ARPC1A: variants seen among roughly 807,000 people sequenced by gnomAD.
The protein encoded by ARPC1A is actin related protein 2/3 complex subunit 1A, also known as actin-related protein 2/3 complex subunit 1A.
A neutral mutation model predicts 46.9 loss-of-function variants in ARPC1A; 8 were observed. That is an observed-to-expected ratio of 0.17 (90% confidence interval 0.10 to 0.31). ARPC1A has a LOEUF of 0.31. ARPC1A is among the 10% of genes least tolerant of loss of function. The pLI is 1.00. For missense variants in ARPC1A, 286 were observed against 483.6 expected, an observed-to-expected ratio of 0.59 and a Z score of 3.83; for synonymous variants, 152 against 169.0, an observed-to-expected ratio of 0.90 and a Z score of 0.78.
rs780366500 is a variant in ARPC1A, at chr7:99,348,831, AAC to A, written c.393-19_393-18del. ...GATGCTGGTTGAGTGGATAAACTGA[AAC>A]AGTTTTCCCCTCTCATAGGTGGGTG... On this transcript the variant is annotated intron_variant, in intron 4 of 9. Transcript: ENST00000262942. The A allele has an allele frequency of 1.9e-6, 3 of 1,602,290 alleles. No homozygotes were observed. Among genetic ancestry groups the A allele is most frequent in the East Asian group, 2.2e-5 (1 of 44,636 alleles).
intron 5 of ARPC1A, among the ~76,000 whole-genome samples, chr7:99,350,799 C>T (rs1466369693): frequency 6.6e-6 from 1 of 151,608 alleles, no homozygotes. Flanking sequence ...GCATGAGCCA[C>T]CATGCCTGGC....
At chr7:99,326,976 T>A (rs1422341926) in intron 1 of ARPC1A, among the ~76,000 whole-genome samples, 1 of 152,210 alleles carries the variant, frequency 6.6e-6, no homozygotes, top group African/African-American at 2.4e-5. Context: ...TATAAAGCCA[T>A]CTGTTCTCCT....
At chr7:99,341,609 C>CAAA (rs36066986) in intron 3 of ARPC1A, among the ~76,000 whole-genome samples, 1 of 87,350 alleles carries the variant, frequency 1.1e-5, no homozygotes, top group Non-Finnish European at 3.0e-5. Context: ...AACTCTGTCT[C>CAAA]AAAAAAAAAA....
intron 2 of ARPC1A, among the ~76,000 whole-genome samples, chr7:99,333,910 G>A (rs1793191483): frequency 6.6e-6 from 1 of 151,734 alleles, no homozygotes; most frequent in Non-Finnish European, 1.5e-5. Context: ...GCCAAGGCAG[G>A]CAAATATCTT....
intron 8 of ARPC1A, among the ~76,000 whole-genome samples, chr7:99,361,979 A>G (rs1298480619): frequency 2.6e-5 from 4 of 151,948 alleles, no homozygotes; most frequent in Non-Finnish European, 5.9e-5. Flanking sequence ...TCTCCTTTTA[A>G]TTTTTTTCCA....
chr7:99,348,516 G>C (rs1361889725), intron 4 of ARPC1A, among the ~76,000 whole-genome samples: 1 of 152,124 alleles, frequency 6.6e-6, no homozygotes, highest in Non-Finnish European at 1.5e-5. Flanking sequence ...AGACCAGCCT[G>C]GGCAACATGG....
chr7:99,332,164 AAT>A (rs558444478), intron 1 of ARPC1A, among the ~76,000 whole-genome samples: 69 of 152,286 alleles, frequency 4.5e-4, no homozygotes, highest in Non-Finnish European at 8.2e-4. Flanking sequence ...ATTTAGAGTA[AAT>A]ATGTTTGGCA....
At chr7:99,330,425 G>C (rs1793126988) in intron 1 of ARPC1A, among the ~76,000 whole-genome samples, 1 of 151,750 alleles carries the variant, frequency 6.6e-6, no homozygotes, top group Admixed American at 6.6e-5. Context: ...AGAGATTCTT[G>C]TGCCTCAGCC....
At chr7:99,347,270 T>C (rs1793470028) in intron 4 of ARPC1A, among the ~76,000 whole-genome samples, 1 of 152,104 alleles carries the variant, frequency 6.6e-6, no homozygotes, top group Non-Finnish European at 1.5e-5. Flanking sequence ...GGTTCTCACT[T>C]TTCTTGCCCA....
intron 6 of ARPC1A, among the ~76,000 whole-genome samples, chr7:99,354,575 C>T (rs967589283): frequency 6.0e-5 from 9 of 150,112 alleles, no homozygotes; most frequent in African/African-American, 1.2e-4. Flanking sequence ...AGGCAGGCCT[C>T]AGTGGCTCAC....
rs558106225 is a variant in ARPC1A, at chr7:99,353,960, C to A, written c.552C>A (p.Pro184=). ...TGGATGAAAAGCCAGCCAGCACGCCCTGGGGCAGCAAGATGCCTTTTGGGC... is the reference window on the plus strand; with the variant it reads ...TGGATGAAAAGCCAGCCAGCACGCCATGGGGCAGCAAGATGCCTTTTGGGC... The part of the protein sequence containing the change: ...KEVDEKPAST[P]WGSKMPFGQL... The change falls in exon 6 of 10, where the codon CCC becomes CCA. Residue 184 remains proline (P), a synonymous_variant. Coordinates refer to ENST00000262942, the MANE Select transcript of ARPC1A (RefSeq NM_006409.4). 2 of 1,613,974 alleles carry A rather than the reference C, an allele frequency of 1.2e-6. No individual in the cohort carries two copies. Among genetic ancestry groups the A allele is most frequent in the African/African-American group, 2.7e-5 (2 of 75,042 alleles).
At chr7:99,339,213 T>C (rs1793318598) in intron 3 of ARPC1A, among the ~76,000 whole-genome samples, 1 of 152,162 alleles carries the variant, frequency 6.6e-6, no homozygotes, top group African/African-American at 2.4e-5. Flanking sequence ...TATGACACCA[T>C]TCCAGTCCAT....
chr7:99,344,242 A>C (rs769866952), intron 3 of ARPC1A, 51 bp from the exon 4 acceptor site: 1 of 1,577,276 alleles, frequency 6.3e-7, no homozygotes, highest in African/African-American at 1.3e-5. Context: ...CCTGTGCCGC[A>C]GTTGTTTGTC....
At chr7:99,334,982 T>C (rs1793215479) in intron 2 of ARPC1A, among the ~76,000 whole-genome samples, 1 of 152,352 alleles carries the variant, frequency 6.6e-6, no homozygotes, top group Non-Finnish European at 1.5e-5. Context: ...TAGCTGGGAC[T>C]ACAGGCACCA....
chr7:99,353,681 G>T (rs1793584682), intron 5 of ARPC1A, among the ~76,000 whole-genome samples: 1 of 150,984 alleles, frequency 6.6e-6, no homozygotes, highest in South Asian at 2.1e-4. Flanking sequence ...GTTTCTCCAT[G>T]TTGGTCAGGC....
intron 4 of ARPC1A, 58 bp downstream of exon 4, chr7:99,344,573 G>T (rs1793408917): frequency 6.5e-7 from 1 of 1,531,424 alleles, no homozygotes; most frequent in South Asian, 1.1e-5. Flanking sequence ...TTGCACTGCT[G>T]TGTGAGGGCT....
Position 99,358,365 on chromosome 7 carries a change from C to G in ARPC1A, c.739C>G (p.Leu247Val). ...VQVSTLKTEFLPLLSVSFVSE... is the reference protein window; with the variant it reads ...VQVSTLKTEFVPLLSVSFVSE... ...GGTCTCGACTCTGAAGACAGAGTTC[C>G]TGCCGCTCCTAAGTGTGTCATTTGT... Residue 247 changes from leucine to valine, a missense_variant, in exon 7 of 10, where the codon CTG (leucine) becomes GTG (valine). Leu to Val is a conservative substitution (Grantham distance 32). Coordinates refer to ENST00000262942, the MANE Select transcript of ARPC1A (RefSeq NM_006409.4). The G allele has an allele frequency of 6.2e-7, 1 of 1,614,100 alleles. No individual in the cohort carries two copies. Among genetic ancestry groups the G allele is most frequent in the African/African-American group, 1.3e-5 (1 of 75,016 alleles).
At chr7:99,363,407 C>T (rs1014667262) in intron 8 of ARPC1A, 136 bp from the exon 9 acceptor site, 3 of 684,786 alleles carry the variant, frequency 4.4e-6, no homozygotes, top group African/African-American at 3.7e-5. Context: ...TAATGAGACC[C>T]GCATCCCAGC....
intron 4 of ARPC1A, among the ~76,000 whole-genome samples, chr7:99,345,425 C>T (rs1793429531): frequency 6.6e-6 from 1 of 152,180 alleles, no homozygotes; most frequent in Admixed American, 6.6e-5. Flanking sequence ...ATTTTAACTA[C>T]TCCTTCCTGT....
Sources: gnomAD v4.1 joint callset for allele counts (sites outside exome capture counted in the v4.1 genomes callset) on GRCh38, gnomAD v4.1.1 for gene constraint, MANE v1.5 for transcripts, NCBI Gene and HGNC (gene_info 2026-07-23, HGNC 2026-07-21) for gene names.